The following CCSER1 variants were observed in gnomAD, a reference collection of about 807,000 sequenced individuals.
CCSER1 encodes coiled-coil serine rich protein 1.
A neutral mutation model predicts 82.0 loss-of-function variants in CCSER1; 41 were observed. The observed-to-expected ratio is 0.50, with a 90% CI of 0.39 to 0.65. The LOEUF (loss-of-function observed/expected upper bound fraction) is 0.65, where lower values mean the gene tolerates loss of function less well. Ranked by LOEUF, CCSER1 falls within the 30% of genes least tolerant of loss-of-function variation. The pLI is 0.00. For synonymous variants in CCSER1, 414 were observed against 383.9 expected, an observed-to-expected ratio of 1.08 and a Z score of -0.92; for missense variants, 1,119 against 1,064.2, an observed-to-expected ratio of 1.05 and a Z score of -0.72.
At chr4:90,280,006 A>T (rs1302301116) in intron 1 of CCSER1, among the ~76,000 whole-genome samples, 1 of 152,058 alleles carries the variant, frequency 6.6e-6, no homozygotes, top group Non-Finnish European at 1.5e-5. Context: ...GAGTTAAGGG[A>T]TCTCGTTTTA....
chr4:90,640,153 G>A (rs1726222803), intron 6 of CCSER1, among the ~76,000 whole-genome samples: 2 of 152,112 alleles, frequency 1.3e-5, no homozygotes, highest in Non-Finnish European at 2.9e-5. Flanking sequence ...CAAAAGCATA[G>A]TAATAAGCTT....
intron 7 of CCSER1, chr4:90,780,891 G>T (rs997675364): frequency 5.8e-6 from 4 of 684,208 alleles, no homozygotes; most frequent in Admixed American, 6.0e-5. Context: ...TGATTTATAA[G>T]AAAAGGGGTA....
chr4:90,282,880 C>T (rs147641520), intron 1 of CCSER1, among the ~76,000 whole-genome samples: 3,541 of 151,946 alleles, frequency 0.023, 49 homozygotes, highest in Middle Eastern at 0.037. Context: ...ACTCTTAGAT[C>T]CGTTTGATGC....
chr4:91,393,806 G>A (rs1023212348), intron 10 of CCSER1, among the ~76,000 whole-genome samples: 11 of 152,152 alleles, frequency 7.2e-5, no homozygotes, highest in East Asian at 1.9e-4. Flanking sequence ...GTATGCTTTC[G>A]TGTTAGTCAT....
chr4:90,322,318 A>G (rs1157855505), intron 3 of CCSER1, among the ~76,000 whole-genome samples: 38 of 151,786 alleles, frequency 2.5e-4, no homozygotes, highest in Admixed American at 2.3e-3. Context: ...TGAGATCTCT[A>G]CTCTGTTCCA....
intron 5 of CCSER1, among the ~76,000 whole-genome samples, chr4:90,519,227 A>G (rs900589438): frequency 1.3e-5 from 2 of 151,904 alleles, no homozygotes; most frequent in Admixed American, 6.6e-5. Context: ...TCTGAATAAT[A>G]TAGTTTTTTA....
chr4:91,101,059 A>G, intron 10 of CCSER1, among the ~76,000 whole-genome samples: 1 of 152,234 alleles, frequency 6.6e-6, no homozygotes, highest in South Asian at 2.1e-4. Context: ...AGGAAGGGAA[A>G]CAAGTGAGGG....
At chr4:91,122,652 T>G (rs1204898330) in intron 10 of CCSER1, among the ~76,000 whole-genome samples, 1 of 151,754 alleles carries the variant, frequency 6.6e-6, no homozygotes, top group Non-Finnish European at 1.5e-5. Context: ...GTTGGAAGTG[T>G]TTTTTGCTTT....
chr4:91,028,675 A>T (rs11931504), intron 9 of CCSER1, among the ~76,000 whole-genome samples: 69,497 of 151,508 alleles, frequency 0.46, 16,197 homozygotes, highest in East Asian at 0.67. Flanking sequence ...GTTTCTTTAG[A>T]GCTTGTTAAC....
chr4:90,451,459 C>T (rs963823344), intron 4 of CCSER1, among the ~76,000 whole-genome samples: 1 of 152,186 alleles, frequency 6.6e-6, no homozygotes, highest in African/African-American at 2.4e-5. Context: ...CAAGCATTAA[C>T]AACCTGTTTG....
At chr4:91,014,985 T>G (rs1229879547) in intron 9 of CCSER1, among the ~76,000 whole-genome samples, 1 of 117,424 alleles carries the variant, frequency 8.5e-6, no homozygotes, top group African/African-American at 2.6e-5. Context: ...TCAAAATTGT[T>G]TTTTTTTAAG....
intron 8 of CCSER1, among the ~76,000 whole-genome samples, chr4:90,907,643 ATT>A (rs1212640045): frequency 2.0e-5 from 3 of 151,962 alleles, no homozygotes; most frequent in African/African-American, 7.3e-5. Context: ...GAAAGTAAAC[ATT>A]TGTCATGTGA....
chr4:91,022,424 G>C (rs1215701086), intron 9 of CCSER1, among the ~76,000 whole-genome samples: 1 of 152,062 alleles, frequency 6.6e-6, no homozygotes, highest in Non-Finnish European at 1.5e-5. Context: ...GGACATTTGG[G>C]TTGGTTCCAA....
chr4:91,057,473 C>G (rs1218678484), intron 9 of CCSER1, among the ~76,000 whole-genome samples: 1 of 152,050 alleles, frequency 6.6e-6, no homozygotes, highest in African/African-American at 2.4e-5. Flanking sequence ...ATGAGAGAAA[C>G]AGTAAGGAGG....
At chr4:90,393,987 C>T (rs1396463376) in intron 3 of CCSER1, among the ~76,000 whole-genome samples, 1 of 151,488 alleles carries the variant, frequency 6.6e-6, no homozygotes, top group Non-Finnish European at 1.5e-5. Context: ...GCTGTTTTGC[C>T]CAGGATGGTC....
At chr4:91,416,507 C>T (rs1391793138) in intron 10 of CCSER1, among the ~76,000 whole-genome samples, 1 of 151,994 alleles carries the variant, frequency 6.6e-6, no homozygotes, top group East Asian at 1.9e-4. Context: ...AAAACAGACA[C>T]ATAGGCCAAT....
chr4:90,307,051 C>T (rs1378876930), intron 1 of CCSER1, among the ~76,000 whole-genome samples: 1 of 152,028 alleles, frequency 6.6e-6, no homozygotes, highest in East Asian at 1.9e-4. Flanking sequence ...GTTTTTTATT[C>T]CTGCTTTACC....
chr4:90,424,019 A>G (rs1301678583), intron 4 of CCSER1, among the ~76,000 whole-genome samples: 1 of 150,962 alleles, frequency 6.6e-6, no homozygotes, highest in African/African-American at 2.4e-5. Context: ...TGAACCCGGG[A>G]GGCTGAGGTT....
chr4:91,458,313 A>T (rs961453171), intron 10 of CCSER1, among the ~76,000 whole-genome samples: 12 of 152,156 alleles, frequency 7.9e-5, no homozygotes, highest in Non-Finnish European at 1.5e-4. Context: ...TCCTTTGTTG[A>T]AAATGAGTTG....
Sources: allele counts gnomAD v4.1 joint callset (sites outside exome capture counted in the v4.1 genomes callset), GRCh38; gene constraint gnomAD v4.1.1; transcripts MANE v1.5; gene names NCBI Gene and HGNC (gene_info 2026-07-23, HGNC 2026-07-21).